Variants in DIAPH2 observed in about 807,000 individuals in gnomAD.
DIAPH2 encodes the protein protein diaphanous homolog 2.
A neutral mutation model predicts 92.7 loss-of-function variants in DIAPH2; 35 were observed. The ratio of observed to expected loss-of-function variants is 0.38; its 90% CI spans 0.29 to 0.50. The LOEUF is 0.50. Among genes scored for constraint, DIAPH2 ranks in the 20% least tolerant of loss-of-function variants. The pLI, the probability that DIAPH2 is intolerant of heterozygous loss-of-function variation, is 0.94. For missense variants in DIAPH2, 701 were observed against 819.5 expected (o/e 0.86, Z 1.77); for synonymous variants, 301 against 280.4 (o/e 1.07, Z -0.73).
chrX:97,455,906 A>G (rs1443569257), intron 26 of DIAPH2, among the ~76,000 whole-genome samples: 1 of 111,688 alleles, frequency 9.0e-6, no homozygotes, highest in Non-Finnish European at 1.9e-5. Flanking sequence ...CTTGCACCTG[A>G]CAGTTTTAGT....
At chrX:97,498,951 G>A (rs2070777680) in intron 26 of DIAPH2, among the ~76,000 whole-genome samples, 1 of 111,227 alleles carries the variant, frequency 9.0e-6, no homozygotes, top group Non-Finnish European at 1.9e-5. Context: ...AAAGGTTACA[G>A]GTTGGATTAC....
chrX:96,696,721 T>C (rs185911305), intron 1 of DIAPH2, among the ~76,000 whole-genome samples: 1 of 111,922 alleles, frequency 8.9e-6, no homozygotes, highest in Non-Finnish European at 1.9e-5. Flanking sequence ...AAGTACAGTA[T>C]GCAAGCCTTC....
chrX:96,815,513 C>G (rs2064726425), intron 4 of DIAPH2, among the ~76,000 whole-genome samples: 1 of 112,212 alleles, frequency 8.9e-6, no homozygotes, highest in Admixed American at 9.4e-5. Flanking sequence ...CCTGCTTCGT[C>G]TCGCCCTCCG....
chrX:96,696,733 C>T (rs1254953764), intron 1 of DIAPH2, among the ~76,000 whole-genome samples: 1 of 111,781 alleles, frequency 8.9e-6, no homozygotes, highest in East Asian at 2.8e-4. Flanking sequence ...CAAGCCTTCC[C>T]AGAGATGATT....
chrX:97,120,629 T>C (rs1233467406), intron 21 of DIAPH2, among the ~76,000 whole-genome samples: 1 of 101,633 alleles, frequency 9.8e-6, no homozygotes, highest in Non-Finnish European at 2.0e-5. Flanking sequence ...TTTTTTTTTT[T>C]TTTTTTTTAG....
At chrX:97,048,254 C>T (rs2066497822) in intron 17 of DIAPH2, among the ~76,000 whole-genome samples, 1 of 110,958 alleles carries the variant, frequency 9.0e-6, no homozygotes, top group South Asian at 3.8e-4. Context: ...TCTCCATCTC[C>T]ATCTCTATTT....
At chrX:97,174,382 G>A (rs186852012) in intron 22 of DIAPH2, among the ~76,000 whole-genome samples, 12 of 111,338 alleles carry the variant, frequency 1.1e-4, no homozygotes, top group Non-Finnish European at 2.3e-4. Context: ...AATTATGTTA[G>A]AAATTATACT....
intron 10 of DIAPH2, among the ~76,000 whole-genome samples, chrX:96,933,096 A>AT (rs200550039): frequency 1.8e-5 from 2 of 109,564 alleles, no homozygotes; most frequent in Non-Finnish European, 1.9e-5. Flanking sequence ...GATTCTCATA[A>AT]TTTTTTTTTC....
intron 4 of DIAPH2, among the ~76,000 whole-genome samples, chrX:96,866,085 A>G (rs1038905754): frequency 4.5e-5 from 5 of 111,631 alleles, no homozygotes; most frequent in African/African-American, 9.8e-5. Context: ...GAGGGAGTCA[A>G]TCAGTTGTAA....
intron 26 of DIAPH2, among the ~76,000 whole-genome samples, chrX:97,464,518 A>G (rs1015522218): frequency 9.1e-6 from 1 of 110,487 alleles, no homozygotes; most frequent in Non-Finnish European, 1.9e-5. Flanking sequence ...TTTATGTGAC[A>G]TGGGTCTCTC....
At chrX:97,202,187 G>T (rs2067756594) in intron 22 of DIAPH2, among the ~76,000 whole-genome samples, 2 of 111,714 alleles carry the variant, frequency 1.8e-5, no homozygotes, top group Non-Finnish European at 3.8e-5. Context: ...AGGGAAAACT[G>T]GTACCAGCCA....
At chrX:97,187,281 C>CTTTTTTGTTTTTTTTTT (rs2067613463) in intron 22 of DIAPH2, among the ~76,000 whole-genome samples, 1 of 36,889 alleles carries the variant, frequency 2.7e-5, no homozygotes, top group Non-Finnish European at 4.4e-5. Context: ...ATTAAGTAGC[C>CTTTTTTGTTTTTTTTTT]TTTTTTTTTT....
At chrX:97,278,027 G>A (rs1236785678) in intron 23 of DIAPH2, among the ~76,000 whole-genome samples, 1 of 111,585 alleles carries the variant, frequency 9.0e-6, no homozygotes, top group East Asian at 2.8e-4. Context: ...TGTATTTTTA[G>A]TAGAGACAGG....
At chrX:97,301,762 T>G (rs187228729) in intron 23 of DIAPH2, among the ~76,000 whole-genome samples, 236 of 111,613 alleles carry the variant, frequency 2.1e-3, no homozygotes, top group Non-Finnish European at 4.0e-3. Flanking sequence ...GACAGCTGAT[T>G]TACATTCTTG....
chrX:97,307,925 A>G (rs997183374), intron 23 of DIAPH2, among the ~76,000 whole-genome samples: 2 of 107,898 alleles, frequency 1.9e-5, no homozygotes, highest in African/African-American at 6.8e-5. Context: ...AAAAAAAAAA[A>G]AGAAAAAGAA....
intron 25 of DIAPH2, among the ~76,000 whole-genome samples, chrX:97,400,345 G>A (rs189646308): frequency 1.5e-4 from 17 of 111,937 alleles, no homozygotes; most frequent in Non-Finnish European, 1.7e-4. Flanking sequence ...TTCCATTGAA[G>A]TATAAAGCTG....
At chrX:97,180,860 G>A (rs1439477773) in intron 22 of DIAPH2, among the ~76,000 whole-genome samples, 1 of 111,163 alleles carries the variant, frequency 9.0e-6, no homozygotes, top group East Asian at 2.8e-4. Context: ...TTCCATTGGT[G>A]TATATGTCTG....
chrX:97,579,747 A>C (rs1281759969), intron 26 of DIAPH2, among the ~76,000 whole-genome samples: 4 of 110,088 alleles, frequency 3.6e-5, no homozygotes, highest in Admixed American at 9.6e-5. Flanking sequence ...GAATCTGTAA[A>C]TTACCTTGGG....
intron 4 of DIAPH2, among the ~76,000 whole-genome samples, chrX:96,827,568 G>A (rs2064823816): frequency 8.9e-6 from 1 of 111,916 alleles, no homozygotes; most frequent in African/African-American, 3.2e-5. Context: ...ACCTTACTTA[G>A]ACCAATAAGT....
Sources: gnomAD v4.1 joint callset for allele counts (sites outside exome capture counted in the v4.1 genomes callset) on GRCh38, gnomAD v4.1.1 for gene constraint, MANE v1.5 for transcripts, NCBI Gene and HGNC (gene_info 2026-07-23, HGNC 2026-07-21) for gene names.